Variants in NCKAP5 observed in about 807,000 individuals in gnomAD.
The protein encoded by NCKAP5 is NCK associated protein 5.
A neutral mutation model predicts 167.0 loss-of-function variants in NCKAP5; 92 were observed. The ratio of observed to expected loss-of-function variants is 0.55; its 90% CI spans 0.47 to 0.66. The LOEUF is 0.66. Among genes scored for constraint, NCKAP5 ranks in the 30% least tolerant of loss-of-function variants. The pLI is 0.00. For missense variants in NCKAP5, 2,378 were observed against 2,315.0 expected, an observed-to-expected ratio of 1.03 and a Z score of -0.56; for synonymous variants, 891 against 877.4, an observed-to-expected ratio of 1.02 and a Z score of -0.27.
At chr2:133,220,825 A>G (rs561632827) in intron 4 of NCKAP5, among the ~76,000 whole-genome samples, 1 of 152,286 alleles carries the variant, frequency 6.6e-6, no homozygotes, top group African/African-American at 2.4e-5. Flanking sequence ...TTGGGAGACA[A>G]ATCAATGTTC....
intron 9 of NCKAP5, 46 bp downstream of exon 9, chr2:132,878,802 C>G (rs753587521): frequency 2.8e-6 from 4 of 1,419,644 alleles, no homozygotes; most frequent in Non-Finnish European, 4.0e-6. Context: ...TTAAGGGAAT[C>G]CCAACTAGTC....
Position 132,697,178 on chromosome 2 carries a change from C to CT in NCKAP5, c.5714-23874_5714-23873insA, listed in dbSNP as rs1558936233. Among the ~76,000 whole-genome samples, 7 of 10,058 alleles carry CT rather than the reference C, an allele frequency of 7.0e-4. No individual in the cohort carries two copies. In the East Asian group the frequency reaches 0.29, roughly 419 times the overall value. 6.6% of individuals were successfully genotyped at this position (10,058 alleles called of 152,430 possible). A position where few individuals can be genotyped will look rare whatever the true frequency, so the allele number is the denominator to read the frequency against. Reference sequence around the variant, plus strand: ...GCTGGGATTACAGGCATGGGCACTGCGCCGGCCGACATCCTTATGCTTCTA... The same window carrying CT: ...GCTGGGATTACAGGCATGGGCACTGCTGCCGGCCGACATCCTTATGCTTCTA... On this transcript the variant is annotated intron_variant, in intron 19 of 19. Transcript: ENST00000409261.
At chr2:133,640,850 T>A in the NCKAP5 span, among the ~76,000 whole-genome samples, 1 of 152,206 alleles carries the variant, frequency 6.6e-6, no homozygotes, top group Non-Finnish European at 1.5e-5. Context: ...TATGAACAAC[T>A]GCTGTAAGTC....
chr2:132,716,286 C>G (rs1689363807), intron 19 of NCKAP5, among the ~76,000 whole-genome samples: 1 of 152,178 alleles, frequency 6.6e-6, no homozygotes, highest in Non-Finnish European at 1.5e-5. Context: ...CTCCCATCCC[C>G]TAGCAAGTTA....
At chr2:133,076,875 C>T (rs961434578) in intron 6 of NCKAP5, among the ~76,000 whole-genome samples, 2 of 152,160 alleles carry the variant, frequency 1.3e-5, no homozygotes, top group African/African-American at 4.8e-5. Context: ...TTCCACTCTC[C>T]CTCCCACTGA....
intron 3 of NCKAP5, among the ~76,000 whole-genome samples, chr2:133,349,803 T>C (rs1016021234): frequency 6.6e-6 from 1 of 152,182 alleles, no homozygotes; most frequent in Non-Finnish European, 1.5e-5. Context: ...CATACTATTG[T>C]ACCCTCAACT....
intron 6 of NCKAP5, among the ~76,000 whole-genome samples, chr2:133,001,087 C>T (rs1281082686): frequency 6.6e-6 from 1 of 151,874 alleles, no homozygotes; most frequent in Non-Finnish European, 1.5e-5. Flanking sequence ...TGGAATTCAG[C>T]CAATGTTACA....
At chr2:133,547,914 A>G (rs1373117544) in intron 2 of NCKAP5, among the ~76,000 whole-genome samples, 1 of 147,474 alleles carries the variant, frequency 6.8e-6, no homozygotes, top group Admixed American at 6.9e-5. Flanking sequence ...AAGGCTTCAG[A>G]CGATCAAATT....
chr2:133,340,657 C>T (rs1213542192), intron 3 of NCKAP5, among the ~76,000 whole-genome samples: 2 of 152,090 alleles, frequency 1.3e-5, no homozygotes, highest in Non-Finnish European at 2.9e-5. Context: ...GTAATGAATG[C>T]CCTATAACAA....
intron 7 of NCKAP5, among the ~76,000 whole-genome samples, chr2:132,974,944 G>A (rs2076937839): frequency 6.6e-6 from 1 of 152,232 alleles, no homozygotes; most frequent in Non-Finnish European, 1.5e-5. Context: ...AGCTGCTCCA[G>A]CGTGCCCTGG....
intron 3 of NCKAP5, among the ~76,000 whole-genome samples, chr2:133,491,541 C>T (rs921212266): frequency 5.9e-5 from 9 of 152,104 alleles, no homozygotes; most frequent in African/African-American, 2.2e-4. Context: ...GGGAAAAGAC[C>T]CTATCTAAAA....
At chr2:133,476,167 T>TAAA (rs2151299072) in intron 3 of NCKAP5, among the ~76,000 whole-genome samples, 1 of 152,376 alleles carries the variant, frequency 6.6e-6, no homozygotes, top group Non-Finnish European at 1.5e-5. Context: ...GAGGTTTTGT[T>TAAA]GAGCCCTGAA....
chr2:133,151,154 C>T (rs1355236323), intron 5 of NCKAP5, among the ~76,000 whole-genome samples: 5 of 152,092 alleles, frequency 3.3e-5, no homozygotes, highest in Admixed American at 3.3e-4. Context: ...AATATGTACG[C>T]TTTTCTGTAT....
intron 4 of NCKAP5, among the ~76,000 whole-genome samples, chr2:133,226,814 C>A (rs1364394922): frequency 1.3e-5 from 2 of 152,144 alleles, no homozygotes; most frequent in Non-Finnish European, 2.9e-5. Flanking sequence ...AACTTCAAGA[C>A]GAACTTCTGT....
intron 19 of NCKAP5, among the ~76,000 whole-genome samples, chr2:132,704,239 T>G (rs549576234): frequency 6.6e-6 from 1 of 152,298 alleles, no homozygotes; most frequent in East Asian, 1.9e-4. Flanking sequence ...AGCCCAGAGG[T>G]GAAGTAGGTA....
chr2:133,520,420 C>T (rs983477599), intron 2 of NCKAP5, among the ~76,000 whole-genome samples: 10 of 152,288 alleles, frequency 6.6e-5, no homozygotes, highest in African/African-American at 2.4e-4. Flanking sequence ...AATTATTTAA[C>T]CTATTTAAGC....
chr2:132,895,925 A>G (rs1693165997), intron 8 of NCKAP5, among the ~76,000 whole-genome samples: 1 of 152,028 alleles, frequency 6.6e-6, no homozygotes, highest in Middle Eastern at 3.2e-3. Flanking sequence ...ACCTGAGGTC[A>G]GGAGTTTGAG....
At chr2:132,989,149 G>A (rs985757566) in intron 7 of NCKAP5, among the ~76,000 whole-genome samples, 12 of 152,216 alleles carry the variant, frequency 7.9e-5, no homozygotes, top group Non-Finnish European at 1.6e-4. Flanking sequence ...GCCCTGTAAA[G>A]GGGGTAACCC....
In NCKAP5 at chr2:133,015,089, G is replaced by A. The variant is rs562912861; in HGVS notation, c.342-20850C>T. On this transcript the variant is annotated intron_variant, in intron 6 of 19. Transcript: ENST00000409261. ...TAACAGATAAGCCAGATGGTAAAAG[G>A]CTTTAATAATGACAGCAGTAATCAT... is the stretch of plus-strand genomic sequence containing the variant. 9.1e-4 allele frequency among the ~76,000 whole-genome samples: 139 copies of A among 152,262 alleles called. 1 individual carries two copies. Among genetic ancestry groups the A allele is most frequent in the African/African-American group, 3.2e-3 (132 of 41,556 alleles).
Sources: gnomAD v4.1 joint callset for allele counts (sites outside exome capture counted in the v4.1 genomes callset) on GRCh38, gnomAD v4.1.1 for gene constraint, MANE v1.5 for transcripts, NCBI Gene and HGNC (gene_info 2026-07-23, HGNC 2026-07-21) for gene names.